EYA4: variants seen among roughly 807,000 people sequenced by gnomAD.
EYA4 encodes EYA transcriptional coactivator and phosphatase 4, also known as protein phosphatase EYA4.
In EYA4, 31 loss-of-function variants were observed where a neutral mutation model predicts 87.9. That is an observed-to-expected ratio of 0.35 (90% confidence interval 0.27 to 0.48). The LOEUF (loss-of-function observed/expected upper bound fraction) is 0.48. Ranked by LOEUF, EYA4 falls within the 20% of genes least tolerant of loss-of-function variation. The pLI, the probability that EYA4 is intolerant of heterozygous loss-of-function variation, is 0.99. For synonymous variants in EYA4, 263 were observed against 270.6 expected (o/e 0.97, Z 0.28); for missense variants, 678 against 761.4 (o/e 0.89, Z 1.29).
intron 3 of EYA4, among the ~76,000 whole-genome samples, chr6:133,390,515 C>T (rs1787167137): frequency 6.6e-6 from 1 of 152,230 alleles, no homozygotes; most frequent in Non-Finnish European, 1.5e-5. Context: ...AGCCACTGCA[C>T]CTGGCCCTAT....
chr6:133,521,953 T>C (rs1800191837), intron 17 of EYA4, among the ~76,000 whole-genome samples: 1 of 118,526 alleles, frequency 8.4e-6, no homozygotes, highest in Non-Finnish European at 1.7e-5. Flanking sequence ...TATCACACTC[T>C]GGGGACTGTT....
intron 1 of EYA4, among the ~76,000 whole-genome samples, chr6:133,266,813 T>C (rs2128250272): frequency 6.6e-6 from 1 of 152,290 alleles, no homozygotes; most frequent in South Asian, 2.1e-4. Context: ...AAAATGGCTA[T>C]ACATTTGAGA....
intron 4 of EYA4, among the ~76,000 whole-genome samples, chr6:133,447,546 T>C (rs1237273076): frequency 1.3e-5 from 2 of 152,190 alleles, no homozygotes; most frequent in Non-Finnish European, 2.9e-5. Flanking sequence ...TATATGACAT[T>C]TAATTTAGAT....
intron 3 of EYA4, among the ~76,000 whole-genome samples, chr6:133,404,444 A>G (rs917348372): frequency 1.3e-5 from 2 of 151,958 alleles, no homozygotes; most frequent in East Asian, 1.9e-4. Flanking sequence ...AAGGTTGACA[A>G]GTAGCTACTC....
At chr6:133,372,667 G>A (rs1217533485) in intron 2 of EYA4, among the ~76,000 whole-genome samples, 1 of 151,288 alleles carries the variant, frequency 6.6e-6, no homozygotes, top group East Asian at 1.9e-4. Flanking sequence ...CTATTTTAAT[G>A]GAAGATCAAG....
At chr6:133,524,920 C>T in intron 18 of EYA4, 1 of 1,031,930 alleles carries the variant, frequency 9.7e-7, no homozygotes, top group Non-Finnish European at 1.5e-6. Flanking sequence ...TGAGCCAGTT[C>T]AAGTGATGTT....
intron 7 of EYA4, among the ~76,000 whole-genome samples, chr6:133,461,834 A>C (rs1202128870): frequency 6.8e-6 from 1 of 147,508 alleles, no homozygotes; most frequent in Non-Finnish European, 1.5e-5. Flanking sequence ...TTTTTAAGGA[A>C]GCTTCCTACC....
chr6:133,428,292 A>G (rs544483579), intron 3 of EYA4, among the ~76,000 whole-genome samples: 2 of 152,308 alleles, frequency 1.3e-5, no homozygotes, highest in South Asian at 4.1e-4. Context: ...TCCATGTGGA[A>G]TTTCCCCAGA....
At chr6:133,479,291 T>A (rs1374741937) in intron 11 of EYA4, among the ~76,000 whole-genome samples, 1 of 152,180 alleles carries the variant, frequency 6.6e-6, no homozygotes, top group Non-Finnish European at 1.5e-5. Flanking sequence ...CAAGGCTATA[T>A]TCAACCCCAT....
At chr6:133,328,954 G>T (rs1246185511) in intron 2 of EYA4, among the ~76,000 whole-genome samples, 2 of 152,088 alleles carry the variant, frequency 1.3e-5, no homozygotes, top group Non-Finnish European at 2.9e-5. Flanking sequence ...AGGGCCACCT[G>T]AGTGCAAAGA....
intron 11 of EYA4, among the ~76,000 whole-genome samples, chr6:133,475,878 G>T (rs560864155): frequency 6.6e-6 from 1 of 152,310 alleles, no homozygotes; most frequent in South Asian, 2.1e-4. Flanking sequence ...CCACCTGGGT[G>T]ATTGCTCTAG....
intron 2 of EYA4, 26 bp downstream of exon 2, chr6:133,274,839 G>GA (rs1777032637): frequency 3.1e-6 from 5 of 1,605,644 alleles, no homozygotes; most frequent in East Asian, 2.2e-5. Flanking sequence ...CAGTTTTGCT[G>GA]AAAAAAGTTG....
intron 3 of EYA4, among the ~76,000 whole-genome samples, chr6:133,431,557 C>T (rs1257221197): frequency 6.6e-6 from 1 of 152,172 alleles, no homozygotes; most frequent in Non-Finnish European, 1.5e-5. Flanking sequence ...ACTAATCACT[C>T]CTCATGCAAT....
At chr6:133,250,326 T>C (rs937244934) in intron 1 of EYA4, among the ~76,000 whole-genome samples, 6 of 152,132 alleles carry the variant, frequency 3.9e-5, no homozygotes, top group African/African-American at 1.4e-4. Context: ...GACTCAGTTC[T>C]TATAGCACAG....
intron 2 of EYA4, among the ~76,000 whole-genome samples, chr6:133,291,793 C>G (rs2128297869): frequency 6.6e-6 from 1 of 152,230 alleles, no homozygotes; most frequent in African/African-American, 2.4e-5. Context: ...TGACTGCTTC[C>G]CCTTTCTTCT....
In EYA4 at chr6:133,299,925, CTCTATCTATCTA is replaced by C. The variant is rs10588311; in HGVS notation, c.33+25134_33+25145del. Among the ~76,000 whole-genome samples the C allele has an allele frequency of 5.1e-3, 727 of 142,698 alleles. 2 individuals carry two copies. Among genetic ancestry groups the C allele is most frequent in the South Asian group, 8.7e-3 (39 of 4,464 alleles). The allele number at this position is 142,698 out of a possible 152,430, so 93.6% of individuals were successfully genotyped here. A position where few individuals can be genotyped will look rare whatever the true frequency, so the allele number is the denominator to read the frequency against. ...CATATACATATGTATATATAAAGAT[CTCTATCTATCTA>C]TCTATCTATCTATCTATCTATATAT... is the stretch of plus-strand genomic sequence containing the variant. On this transcript the variant is annotated intron_variant, in intron 2 of 19. Coordinates refer to ENST00000355286, the MANE Select transcript of EYA4 (RefSeq NM_004100.5).
intron 2 of EYA4, among the ~76,000 whole-genome samples, chr6:133,317,746 T>C (rs1244618066): frequency 6.6e-6 from 1 of 152,168 alleles, no homozygotes; most frequent in Non-Finnish European, 1.5e-5. Flanking sequence ...TGAATTTCTA[T>C]ATGATCATTC....
chr6:133,282,627 A>G (rs1777723804), intron 2 of EYA4, among the ~76,000 whole-genome samples: 1 of 152,152 alleles, frequency 6.6e-6, no homozygotes, highest in African/African-American at 2.4e-5. Flanking sequence ...CTCATATTAT[A>G]CAGAATATGG....
chr6:133,441,085 C>T (rs1429492049), intron 3 of EYA4, among the ~76,000 whole-genome samples: 1 of 151,948 alleles, frequency 6.6e-6, no homozygotes, highest in African/African-American at 2.4e-5. Context: ...TTACTTATTC[C>T]AATATTATTC....
Sources: gnomAD v4.1 joint callset for allele counts (sites outside exome capture counted in the v4.1 genomes callset) on GRCh38, gnomAD v4.1.1 for gene constraint, MANE v1.5 for transcripts, NCBI Gene and HGNC (gene_info 2026-07-23, HGNC 2026-07-21) for gene names.